PHTF2: variants seen among roughly 807,000 people sequenced by gnomAD.
PHTF2 encodes protein PHTF2.
A neutral mutation model predicts 101.2 loss-of-function variants in PHTF2; 60 were observed. The observed-to-expected ratio is 0.59, with a 90% confidence interval of 0.48 to 0.73. The LOEUF (loss-of-function observed/expected upper bound fraction) is 0.73, where lower values mean the gene tolerates loss of function less well. Ranked by LOEUF, PHTF2 falls within the 30% of genes least tolerant of loss-of-function variation. The pLI is 0.00. For missense variants in PHTF2, 747 were observed against 908.7 expected, an observed-to-expected ratio of 0.82 and a Z score of 2.29; for synonymous variants, 311 against 307.3, an observed-to-expected ratio of 1.01 and a Z score of -0.13.
At chr7:77,863,717 G>T (rs1159391097) in intron 3 of PHTF2, among the ~76,000 whole-genome samples, 1 of 149,142 alleles carries the variant, frequency 6.7e-6, no homozygotes, top group African/African-American at 2.5e-5. Flanking sequence ...GGATTTACAC[G>T]CATTTATGTT....
At position 77,922,821 on chromosome 7, in the gene PHTF2, A is replaced by G. The variant is rs765374210; in HGVS notation, c.1119+43A>G. The G allele has an allele frequency of 3.0e-6, 4 of 1,331,860 alleles. No homozygotes were observed. In the South Asian group the frequency reaches 5.8e-5, roughly 19 times the overall value. 82.5% of individuals were successfully genotyped at this position (1,331,860 alleles called of 1,614,324 possible). A position where few individuals can be genotyped will look rare whatever the true frequency, so the allele number is the denominator to read the frequency against. ...AAGTGTATACATACGTATCTATTTT[A>G]TATGTTACTAATTTATAACTTCTTT... On this transcript the variant is annotated intron_variant, in intron 11 of 19. Coordinates refer to ENST00000416283, the Ensembl canonical transcript of PHTF2.
intron 18 of PHTF2, 123 bp from the exon 18 acceptor site, chr7:77,953,646 C>CT: frequency 1.4e-6 from 1 of 720,866 alleles, no homozygotes; most frequent in Non-Finnish European, 2.2e-6. Flanking sequence ...TTTATCCTTT[C>CT]TAAAAGCATC....
At chr7:77,910,101 A>C in intron 8 of PHTF2, 144 bp from the exon 8 acceptor site, 2 of 614,330 alleles carry the variant, frequency 3.3e-6, no homozygotes, top group Non-Finnish European at 5.6e-6. Flanking sequence ...TATTTGGATT[A>C]AATTTTATCT....
intron 3 of PHTF2, among the ~76,000 whole-genome samples, chr7:77,873,960 C>G (rs1798730887): frequency 6.6e-6 from 1 of 152,206 alleles, no homozygotes; most frequent in South Asian, 2.1e-4. Flanking sequence ...GCAATCTTAG[C>G]AGATTTGAGG....
exon 20 of PHTF2, chr7:77,954,983 GAGTTGAAGTGTTTACATCAGA>G: frequency 1.8e-6 from 1 of 561,282 alleles, no homozygotes; most frequent in East Asian, 3.1e-5. Flanking sequence ...CTCAGCTAGG[GAGTTGAAGTGTTTACATCAGA>G]CTGTCTTGTG....
At chr7:77,933,599 T>G (rs1191561350) in intron 12 of PHTF2, among the ~76,000 whole-genome samples, 1 of 152,202 alleles carries the variant, frequency 6.6e-6, no homozygotes, top group Non-Finnish European at 1.5e-5. Flanking sequence ...ATGAGTCATC[T>G]GCATATTCAT....
At chr7:77,847,811 A>G (rs775314148) in intron 2 of PHTF2, among the ~76,000 whole-genome samples, 2 of 152,158 alleles carry the variant, frequency 1.3e-5, no homozygotes, top group African/African-American at 4.8e-5. Flanking sequence ...TATTCATTCT[A>G]TCTAACTGTG....
intron 3 of PHTF2, among the ~76,000 whole-genome samples, chr7:77,878,773 C>T (rs767914554): frequency 1.3e-4 from 20 of 152,054 alleles, no homozygotes; most frequent in Non-Finnish European, 1.3e-4. Context: ...ACTGATTTTA[C>T]GTAAGTATAA....
At position 77,901,457 on chromosome 7, in the gene PHTF2, C is replaced by CAACAAA. The variant is rs1554376958; in HGVS notation, c.287-304_287-299dup. 1.3e-5 allele frequency among the ~76,000 whole-genome samples: 2 copies of CAACAAA among 150,648 alleles called. 1 individual carries two copies. Among genetic ancestry groups the CAACAAA allele is most frequent in the Non-Finnish European group, 3.0e-5 (2 of 67,712 alleles). On this transcript the variant is annotated intron_variant, in intron 6 of 19. Transcript: ENST00000416283. Reference sequence around the variant, plus strand: ...TGGGCAGCAGAGTGAGATCCTATCTCAACAAACAAACAAACAAACAAACAA... The same window carrying CAACAAA: ...TGGGCAGCAGAGTGAGATCCTATCTCAACAAAAACAAACAAACAAACAAACAAACAA...
rs187269656 is a variant in PHTF2, at chr7:77,931,424, A to G, written c.1338+2097A>G. On this transcript the variant is annotated intron_variant, in intron 12 of 19. Transcript: ENST00000416283. ...GTAAAAGACAAATGACTCAATAGAAAAATAAAAGGATGTGAACAGGTCCCC... is the reference window on the plus strand; with the variant it reads ...GTAAAAGACAAATGACTCAATAGAAGAATAAAAGGATGTGAACAGGTCCCC... 8.5e-5 allele frequency among the ~76,000 whole-genome samples: 13 copies of G among 152,334 alleles called. No homozygotes were observed. In the East Asian group the frequency reaches 2.5e-3, roughly 29 times the overall value.
chr7:77,916,601 T>C (rs1365088834), intron 9 of PHTF2, among the ~76,000 whole-genome samples: 5 of 152,078 alleles, frequency 3.3e-5, no homozygotes, highest in African/African-American at 7.2e-5. Flanking sequence ...TTGGTATCCA[T>C]GGGAGATTGG....
intron 3 of PHTF2, among the ~76,000 whole-genome samples, chr7:77,866,963 A>C (rs539115312): frequency 7.2e-5 from 11 of 152,346 alleles, no homozygotes; most frequent in Admixed American, 3.9e-4. Flanking sequence ...CACATGCTGC[A>C]ATATGAAGGA....
intron 1 of PHTF2, among the ~76,000 whole-genome samples, chr7:77,812,267 T>TA (rs1191089741): frequency 6.6e-6 from 1 of 152,242 alleles, no homozygotes; most frequent in Admixed American, 6.5e-5. Context: ...TGTGTTCACT[T>TA]AGAGTATGTA....
chr7:77,867,566 A>G (rs550287587), intron 3 of PHTF2, among the ~76,000 whole-genome samples: 156 of 152,352 alleles, frequency 1.0e-3, no homozygotes, highest in African/African-American at 3.5e-3. Flanking sequence ...TGTTATTGTA[A>G]TATTGTGAAC....
intron 16 of PHTF2, among the ~76,000 whole-genome samples, chr7:77,946,784 A>G (rs1806082748): frequency 1.3e-5 from 2 of 152,208 alleles, no homozygotes; most frequent in African/African-American, 4.8e-5. Context: ...CCAGTGGACC[A>G]TAATTTGTTG....
exon 19 of PHTF2, chr7:77,953,827 T>A: frequency 6.2e-7 from 1 of 1,610,018 alleles, no homozygotes; most frequent in Non-Finnish European, 8.5e-7. Context: ...CTTTATAACA[T>A]CACCCAGGTT....
exon 4 of PHTF2, chr7:77,893,615 C>A: frequency 7.2e-7 from 1 of 1,381,592 alleles, no homozygotes; most frequent in Non-Finnish European, 1.0e-6. Flanking sequence ...TAGATTGGAG[C>A]ATATGATCAA....
At chr7:77,829,131 T>C (rs1794897985) in intron 1 of PHTF2, among the ~76,000 whole-genome samples, 1 of 152,178 alleles carries the variant, frequency 6.6e-6, no homozygotes, top group African/African-American at 2.4e-5. Flanking sequence ...CAGTGAAATA[T>C]GATTTCACCA....
At chr7:77,944,906 A>G (rs1805920884) in intron 16 of PHTF2, among the ~76,000 whole-genome samples, 1 of 152,278 alleles carries the variant, frequency 6.6e-6, no homozygotes, top group African/African-American at 2.4e-5. Flanking sequence ...AACAGAATAA[A>G]TAGCAAATTA....
Sources: gnomAD v4.1 joint callset for allele counts (sites outside exome capture counted in the v4.1 genomes callset) on GRCh38, gnomAD v4.1.1 for gene constraint, MANE v1.5 for transcripts, NCBI Gene and HGNC (gene_info 2026-07-23, HGNC 2026-07-21) for gene names.